The following TMEM236 variants were observed in gnomAD, a reference collection of about 807,000 sequenced individuals.
The protein encoded by TMEM236 is transmembrane protein 236.
TMEM236 carries 11 observed loss-of-function variants against 14.7 expected under a neutral mutation model. The ratio of observed to expected loss-of-function variants is 0.75; its 90% CI spans 0.47 to 1.24. TMEM236 has a LOEUF of 1.24. TMEM236 is among the 50% of genes most tolerant of loss of function. The probability of loss-of-function intolerance (pLI) is 0.00; values close to 1 mark genes in which losing one functional copy is unlikely to be tolerated. For missense variants in TMEM236, 464 were observed against 427.3 expected, an observed-to-expected ratio of 1.09 and a Z score of -0.76; for synonymous variants, 182 against 168.6, an observed-to-expected ratio of 1.08 and a Z score of -0.62.
At chr10:17,775,037 G>A (rs2131752347) in intron 2 of TMEM236, among the ~76,000 whole-genome samples, 1 of 152,162 alleles carries the variant, frequency 6.6e-6, no homozygotes, top group East Asian at 1.9e-4. Context: ...CTGACCTCAG[G>A]TGATCCACCT....
At chr10:17,762,614 T>TATAC in intron 1 of TMEM236, among the ~76,000 whole-genome samples, 1 of 78,394 alleles carries the variant, frequency 1.3e-5, no homozygotes, top group South Asian at 4.1e-4. Context: ...TATATATATA[T>TATAC]ATATACACAC....
chr10:17,773,563 C>T (rs1205968912), intron 2 of TMEM236, among the ~76,000 whole-genome samples: 1 of 152,150 alleles, frequency 6.6e-6, no homozygotes, highest in African/African-American at 2.4e-5. Context: ...GTCTCGAACT[C>T]CTGACCTCAG....
intron 1 of TMEM236, among the ~76,000 whole-genome samples, chr10:17,768,793 G>A (rs1438565177): frequency 7.0e-6 from 1 of 142,346 alleles, no homozygotes; most frequent in Non-Finnish European, 1.5e-5. Context: ...ATATATGAGA[G>A]TAGGAGCAAT....
chr10:17,765,383 A>T (rs1014006346), intron 1 of TMEM236, among the ~76,000 whole-genome samples: 1 of 152,154 alleles, frequency 6.6e-6, no homozygotes, highest in Non-Finnish European at 1.5e-5. Context: ...AGTCCTAATC[A>T]TCCCAGCATC....
Position 17,796,665 on chromosome 10 carries a change from TACATA to T in TMEM236, c.*162_*166del. 5.9e-5 allele frequency: 38 copies of T among 642,072 alleles called. No individual in the cohort carries two copies. The highest frequency in any genetic ancestry group is 9.4e-5 in the Non-Finnish European group (35 of 373,684). 39.8% of individuals were successfully genotyped at this position (642,072 alleles called of 1,614,324 possible). A position where few individuals can be genotyped will look rare whatever the true frequency, so the allele number is the denominator to read the frequency against. ...ACTCTAGCATATCAGTTTTTTTTTT[TACATA>T]TACAAATGGTGCTAAATTTAAGTAA... On this transcript the variant is annotated 3_prime_UTR_variant, in exon 4 of 4. Coordinates refer to ENST00000377495, the MANE Select transcript of TMEM236 (RefSeq NM_001098844.3).
intron 1 of TMEM236, among the ~76,000 whole-genome samples, chr10:17,753,227 A>G (rs1837235053): frequency 6.6e-6 from 1 of 152,174 alleles, no homozygotes; most frequent in African/African-American, 2.4e-5. Flanking sequence ...AATCCCCGTG[A>G]TGCTTTCAAA....
intron 3 of TMEM236, among the ~76,000 whole-genome samples, chr10:17,793,048 A>G (rs1050947136): frequency 6.6e-6 from 1 of 152,202 alleles, no homozygotes; most frequent in Non-Finnish European, 1.5e-5. Flanking sequence ...TTTCCAGCTA[A>G]TAGTTCTAGT....
intron 1 of TMEM236, among the ~76,000 whole-genome samples, chr10:17,769,024 C>A (rs1589143811): frequency 2.0e-5 from 3 of 152,166 alleles, no homozygotes; most frequent in Admixed American, 2.0e-4. Flanking sequence ...AAAACTCTTT[C>A]ATCTTGCAGG....
intron 3 of TMEM236, among the ~76,000 whole-genome samples, chr10:17,785,019 G>A (rs1308904312): frequency 6.6e-6 from 1 of 152,172 alleles, no homozygotes; most frequent in Non-Finnish European, 1.5e-5. Context: ...AAAGATAGAA[G>A]CGTTAGGACT....
chr10:17,781,051 G>A (rs1837739195), intron 3 of TMEM236, among the ~76,000 whole-genome samples: 1 of 152,128 alleles, frequency 6.6e-6, no homozygotes, highest in South Asian at 2.1e-4. Flanking sequence ...CACTGTACAT[G>A]CAGCTGGCAA....
intron 1 of TMEM236, among the ~76,000 whole-genome samples, chr10:17,763,675 A>T (rs1319125186): frequency 2.0e-5 from 3 of 152,132 alleles, no homozygotes; most frequent in Non-Finnish European, 4.4e-5. Flanking sequence ...TGGGTGTGGG[A>T]GGGCATCCAG....
intron 1 of TMEM236, among the ~76,000 whole-genome samples, chr10:17,756,415 C>T (rs1288312392): frequency 6.6e-6 from 1 of 152,080 alleles, no homozygotes; most frequent in East Asian, 1.9e-4. Context: ...CTTGCCTCAG[C>T]CTCCTGAGTA....
chr10:17,800,184 ATC>A lies in TMEM236; in HGVS notation c.*3683_*3684del, dbSNP rs1838073982. ...AGGGCAGAGGTTGCAGTGAGCTGAG[ATC>A]TCGCCACTATGCTCCAGCCTGGGCA... On this transcript the variant is annotated 3_prime_UTR_variant, in exon 4 of 4. Transcript: ENST00000377495. The A allele has an allele frequency of 4.0e-5, 6 of 151,394 alleles. No individual in the cohort carries two copies. The allele number at this position is 151,394 out of a possible 1,614,324, so 9.4% of individuals were successfully genotyped here. A position where few individuals can be genotyped will look rare whatever the true frequency, so the allele number is the denominator to read the frequency against.
In TMEM236 at chr10:17,752,361, C is replaced by G; in HGVS notation, c.66C>G (p.Ile22Met). Residue 22 changes from isoleucine to methionine, a missense_variant, in exon 1 of 4, where the codon ATC becomes ATG. Coordinates refer to ENST00000377495, the MANE Select transcript of TMEM236 (RefSeq NM_001098844.3). ...FELLEFAAFSIPTLVITEQFA... is the reference protein window; with the variant it reads ...FELLEFAAFSMPTLVITEQFA... ...TCCTAGAGTTTGCCGCTTTCTCCAT[C>G]CCCACACTCGTGATCACAGAACAGT... 1 of 1,613,798 alleles carries G rather than the reference C, an allele frequency of 6.2e-7. No homozygotes were observed. Among genetic ancestry groups the G allele is most frequent in the Non-Finnish European group, 8.5e-7 (1 of 1,179,842 alleles).
intron 3 of TMEM236, among the ~76,000 whole-genome samples, chr10:17,791,708 G>A (rs1837928326): frequency 6.6e-6 from 1 of 152,104 alleles, no homozygotes; most frequent in African/African-American, 2.4e-5. Context: ...ATTCTTCACT[G>A]AATCAATTCC....
rs972858216 is a variant in TMEM236 at position 17,792,336 on chromosome 10, T to A, written c.473-3585T>A. Among the ~76,000 whole-genome samples the A allele has an allele frequency of 3.9e-5, 6 of 152,276 alleles. 1 individual carries two copies. The highest frequency in any genetic ancestry group is 6.8e-3 in the Middle Eastern group (2 of 294). ...GTCCTGGCCTCAAGCGATCCCCCTG[T>A]TTCAGCCTCCCAAAGTGCTGGGATT... On this transcript the variant is annotated intron_variant, in intron 3 of 3. Coordinates refer to ENST00000377495, the MANE Select transcript of TMEM236 (RefSeq NM_001098844.3).
At chr10:17,790,389 G>C (rs1403006393) in intron 3 of TMEM236, among the ~76,000 whole-genome samples, 1 of 151,922 alleles carries the variant, frequency 6.6e-6, no homozygotes, top group African/African-American at 2.4e-5. Flanking sequence ...GACATTGTAA[G>C]TGTTTGAGAC....
rs1273289240 is a variant in TMEM236, at chr10:17,800,430, TA to T, written c.*3927del. On this transcript the variant is annotated 3_prime_UTR_variant, in exon 4 of 4. Transcript: ENST00000377495. Reference sequence around the variant, plus strand: ...TTTATAATTTTACAAAAAATTCTAATACCTGTAATACACTTTTTAGTGCCTT... The same window carrying T: ...TTTATAATTTTACAAAAAATTCTAATCCTGTAATACACTTTTTAGTGCCTT... 6.6e-6 allele frequency: 1 copy of T among 152,146 alleles called. No homozygotes were observed. The highest frequency in any genetic ancestry group is 2.4e-5 in the African/African-American group (1 of 41,448). The allele number at this position is 152,146 out of a possible 1,614,324, so 9.4% of individuals were successfully genotyped here.
chr10:17,761,950 A>G (rs1416076877), intron 1 of TMEM236, among the ~76,000 whole-genome samples: 1 of 151,958 alleles, frequency 6.6e-6, no homozygotes, highest in Non-Finnish European at 1.5e-5. Flanking sequence ...AATACCTATC[A>G]CTATATAGCT....
Sources: gnomAD v4.1 joint callset for allele counts (sites outside exome capture counted in the v4.1 genomes callset) on GRCh38, gnomAD v4.1.1 for gene constraint, MANE v1.5 for transcripts, NCBI Gene and HGNC (gene_info 2026-07-23, HGNC 2026-07-21) for gene names.